Variants in RABL2A observed in about 807,000 individuals in gnomAD.
RABL2A encodes the protein RAB, member of RAS oncogene family like 2A.
In RABL2A, 17 loss-of-function variants were observed where a neutral mutation model predicts 30.7. The ratio of observed to expected loss-of-function variants is 0.55; its 90% CI spans 0.38 to 0.83. RABL2A has a LOEUF of 0.83. Ranked by LOEUF, RABL2A falls within the 40% of genes least tolerant of loss-of-function variation. RABL2A has a pLI of 0.00. For synonymous variants in RABL2A, 64 were observed against 101.8 expected (o/e 0.63, Z 2.24); for missense variants, 155 against 272.6 (o/e 0.57, Z 3.04).
Position 113,634,177 on chromosome 2 carries a change from C to T in RABL2A, c.162C>T (p.Tyr54=), listed in dbSNP as rs139442867. ...GTCAGCCACAGCAGCTGTCCACGTA[C>T]GCCCTGACCCTGTACAAGCACACAG... ...DGFQPQQLST[Y]ALTLYKHTAT... is the part of the protein sequence containing the mutation. Residue 54 remains tyrosine (Y), a synonymous_variant, in exon 4 of 9, where the codon TAC becomes TAT. Coordinates refer to ENST00000683472, the MANE Select transcript of RABL2A (RefSeq NM_001306158.2). The T allele has an allele frequency of 2.7e-3, 4,353 of 1,612,464 alleles. 203 individuals are homozygous for T. In the East Asian group the frequency reaches 0.088, roughly 32 times the overall value.
chr2:113,636,988 CAAAAAAAA>C (rs1338396069), intron 5 of RABL2A, among the ~76,000 whole-genome samples: 3 of 129,614 alleles, frequency 2.3e-5, no homozygotes, highest in Admixed American at 7.4e-5. Flanking sequence ...GACTCTGTCT[CAAAAAAAA>C]TAAAAAAATA....
chr2:113,629,473 C>G (rs1388895133), intron 2 of RABL2A, among the ~76,000 whole-genome samples: 1 of 149,532 alleles, frequency 6.7e-6, no homozygotes, highest in Non-Finnish European at 1.5e-5. Context: ...AATTTGAATT[C>G]TCTGTCTCTC....
intron 5 of RABL2A, among the ~76,000 whole-genome samples, chr2:113,637,115 TGA>T (rs976389124): frequency 3.9e-5 from 6 of 152,240 alleles, no homozygotes; most frequent in East Asian, 3.8e-4. Flanking sequence ...ACCTTGGCAC[TGA>T]GAGAGATGCA....
chr2:113,638,827 A>G (rs1358782372), intron 5 of RABL2A, among the ~76,000 whole-genome samples: 3 of 152,060 alleles, frequency 2.0e-5, no homozygotes, highest in Non-Finnish European at 2.9e-5. Flanking sequence ...TGGAGGTTGC[A>G]GTGGCAGTGA....
chr2:113,631,847 T>C (rs1020120802), intron 2 of RABL2A, among the ~76,000 whole-genome samples: 3 of 151,958 alleles, frequency 2.0e-5, no homozygotes, highest in Non-Finnish European at 4.4e-5. Context: ...TGTTCTGAGC[T>C]TGAGTCTTTT....
At position 113,643,281 on chromosome 2, in the gene RABL2A, T is replaced by G; in HGVS notation, c.*1152T>G. On this transcript the variant is annotated 3_prime_UTR_variant, in exon 9 of 9. Coordinates refer to ENST00000683472, the MANE Select transcript of RABL2A (RefSeq NM_001306158.2). Reference sequence around the variant, plus strand: ...CCTGTTCACCCCTCTCTGGTACTTGTGGCTTGCTAGTATGTTTTTATGATA... The same window carrying G: ...CCTGTTCACCCCTCTCTGGTACTTGGGGCTTGCTAGTATGTTTTTATGATA... The G allele has an allele frequency of 2.9e-6, 1 of 346,716 alleles. No individual in the cohort carries two copies. The highest frequency in any genetic ancestry group is 5.7e-6 in the Non-Finnish European group (1 of 176,590). The allele number at this position is 346,716 out of a possible 1,614,324, so 21.5% of individuals were successfully genotyped here. A position where few individuals can be genotyped will look rare whatever the true frequency, so the allele number is the denominator to read the frequency against.
At chr2:113,631,301 C>T (rs1352699261) in intron 2 of RABL2A, among the ~76,000 whole-genome samples, 3 of 152,084 alleles carry the variant, frequency 2.0e-5, no homozygotes, top group African/African-American at 7.2e-5. Context: ...CTTCCATTAC[C>T]GTTAATGATT....
At chr2:113,633,080 T>C (rs1559142930) in intron 3 of RABL2A, 136 bp downstream of exon 3, 2 of 1,392,592 alleles carry the variant, frequency 1.4e-6, no homozygotes, top group Non-Finnish European at 2.0e-6. Context: ...CGCACAGGTT[T>C]TGTTCTGCAC....
Position 113,635,084 on chromosome 2 carries a change from A to G in RABL2A, c.251A>G (p.Gln84Arg). 1.9e-6 allele frequency: 3 copies of G among 1,614,208 alleles called. No homozygotes were observed. The highest frequency in any genetic ancestry group is 2.5e-6 in the Non-Finnish European group (3 of 1,180,034). The change falls in exon 5 of 9, where the codon CAG becomes CGG. Residue 84 changes from glutamine (Q) to arginine (R), a missense_variant. By Grantham distance (43) the Gln-to-Arg change is conservative. Around this residue, in one of 5 missense-constraint regions of RABL2A, gnomAD observed 82 missense variants for 103.2 expected, o/e 0.79. Coordinates refer to ENST00000683472, the MANE Select transcript of RABL2A (RefSeq NM_001306158.2). ...FWDTAGQERF[Q>R]SMHASYYHKA... ...GACACGGCAGGCCAGGAGCGGTTCC[A>G]GAGCATGCATGCCTCCTACTACCAC...
chr2:113,643,225 G>C lies in RABL2A; in HGVS notation c.*1096G>C, dbSNP rs1414612609. On this transcript the variant is annotated 3_prime_UTR_variant, in exon 9 of 9. Coordinates refer to ENST00000683472, the MANE Select transcript of RABL2A (RefSeq NM_001306158.2). ...GACCTTGTGCCTCCTGTGGGAGGCT[G>C]AGGACTGCAAGAGGAGAGCTAGCAG... The C allele has an allele frequency of 2.3e-6, 1 of 442,454 alleles. No homozygotes were observed. Among genetic ancestry groups the C allele is most frequent in the Admixed American group, 2.5e-5 (1 of 39,430 alleles). 27.4% of individuals were successfully genotyped at this position (442,454 alleles called of 1,614,324 possible).
chr2:113,641,931 C>G, intron 8 of RABL2A, 67 bp downstream of exon 8: 1 of 1,502,254 alleles, frequency 6.7e-7, no homozygotes. Flanking sequence ...GGGACTACAA[C>G]CCAGTAGAGT....
At chr2:113,629,241 C>G (rs573037116) in intron 2 of RABL2A, among the ~76,000 whole-genome samples, 1 of 152,336 alleles carries the variant, frequency 6.6e-6, no homozygotes, top group East Asian at 1.9e-4. Context: ...CTCCATGAGA[C>G]GTCCTAGTTC....
chr2:113,637,497 T>C, intron 5 of RABL2A: 4 of 1,185,752 alleles, frequency 3.4e-6, no homozygotes, highest in Non-Finnish European at 4.3e-6. Flanking sequence ...GTAGGCACAG[T>C]ACAGATACCA....
chr2:113,640,801 C>T lies in RABL2A; in HGVS notation c.298-93C>T, dbSNP rs969508113. On this transcript the variant is annotated intron_variant, in intron 5 of 8. Transcript: ENST00000683472. ...GTTCCCACAAACAGCACCATGTGCT[C>T]ATGCTTACCTGCTTGGGTGTGTGAG... 19 of 1,591,952 alleles carry T rather than the reference C, an allele frequency of 1.2e-5. No homozygotes were observed. The African/African-American group carries it at 2.0e-4, about 17-fold the overall frequency.
At chr2:113,629,733 C>T (rs1196054868) in intron 2 of RABL2A, among the ~76,000 whole-genome samples, 5 of 152,016 alleles carry the variant, frequency 3.3e-5, no homozygotes, top group Non-Finnish European at 7.4e-5. Flanking sequence ...AGAGACGGGG[C>T]TTCACCTTGT....
intron 5 of RABL2A, chr2:113,637,920 C>T (rs972227563): frequency 2.0e-6 from 2 of 985,302 alleles, no homozygotes; most frequent in Non-Finnish European, 2.4e-6. Flanking sequence ...GCCACCAGCC[C>T]CAGTCTGCTG....
chr2:113,629,680 GC>G (rs1189853713), intron 2 of RABL2A, among the ~76,000 whole-genome samples: 3 of 151,956 alleles, frequency 2.0e-5, no homozygotes, highest in Non-Finnish European at 4.4e-5. Flanking sequence ...GACTACAGGC[GC>G]CCGCCACCAC....
intron 1 of RABL2A, 97 bp from the exon 2 acceptor site, chr2:113,628,457 T>C (rs1334482255): frequency 1.0e-5 from 13 of 1,244,796 alleles, no homozygotes; most frequent in Non-Finnish European, 1.3e-5. Context: ...TATCTCAGTC[T>C]GGCACTGAGG....
intron 2 of RABL2A, among the ~76,000 whole-genome samples, chr2:113,630,794 A>G (rs1573956503): frequency 1.3e-5 from 2 of 152,062 alleles, no homozygotes; most frequent in East Asian, 1.9e-4. Context: ...TGCACATGCC[A>G]CCTTCCTGAG....
Sources: allele counts gnomAD v4.1 joint callset (sites outside exome capture counted in the v4.1 genomes callset), GRCh38; gene constraint gnomAD v4.1.1; regional missense constraint gnomAD v4.1.1; transcripts MANE v1.5; gene names NCBI Gene and HGNC (gene_info 2026-07-23, HGNC 2026-07-21).